The following STK35 variants were observed in gnomAD, a reference collection of about 807,000 sequenced individuals.
STK35 encodes the protein serine/threonine kinase 35.
In STK35, 17 loss-of-function variants were observed where a neutral mutation model predicts 37.3. The observed-to-expected ratio is 0.46, with a 90% CI of 0.31 to 0.68. The LOEUF (loss-of-function observed/expected upper bound fraction) is 0.68. Ranked by LOEUF, STK35 falls within the 30% of genes least tolerant of loss-of-function variation. The pLI is 0.05. For synonymous variants in STK35, 385 were observed against 319.1 expected, an observed-to-expected ratio of 1.21 and a Z score of -2.20; for missense variants, 595 against 746.7, an observed-to-expected ratio of 0.80 and a Z score of 2.37.
Position 2,101,855 on chromosome 20 carries a change from G to A in STK35, c.-27G>A, listed in dbSNP as rs1985390188. The A allele has an allele frequency of 1.0e-5, 14 of 1,402,370 alleles. No homozygotes were observed. The highest frequency in any genetic ancestry group is 8.2e-5 in the Admixed American group (3 of 36,460). The allele number at this position is 1,402,370 out of a possible 1,614,324, so 86.9% of individuals were successfully genotyped here. A position where few individuals can be genotyped will look rare whatever the true frequency, so the allele number is the denominator to read the frequency against. ...GACCTTTGCAGGACCGGGCGGTGCA[G>A]GGCTCACTCGGCTGGCGTCCCGGGG... is the stretch of plus-strand genomic sequence containing the variant. On this transcript the variant is annotated 5_prime_UTR_variant, in exon 1 of 4. Transcript: ENST00000381482.
chr20:2,119,701 C>T (rs1021121088), intron 3 of STK35, among the ~76,000 whole-genome samples: 2 of 152,234 alleles, frequency 1.3e-5, no homozygotes, highest in African/African-American at 4.8e-5. Flanking sequence ...GCTGCTCTTA[C>T]GTTGTGCTGA....
intron 3 of STK35, among the ~76,000 whole-genome samples, chr20:2,142,183 C>T (rs66602486): frequency 0.054 from 8,272 of 152,168 alleles, 361 homozygotes; most frequent in African/African-American, 0.11. Context: ...GACAGTTGGC[C>T]AGGAAGGGGT....
chr20:2,113,491 C>T (rs530668515), intron 2 of STK35, among the ~76,000 whole-genome samples: 1 of 152,332 alleles, frequency 6.6e-6, no homozygotes, highest in South Asian at 2.1e-4. Context: ...GTGGGGGCAG[C>T]AGGCCTAGGG....
chr20:2,110,023 T>A (rs1985588514), intron 2 of STK35, among the ~76,000 whole-genome samples: 1 of 152,248 alleles, frequency 6.6e-6, no homozygotes, highest in Non-Finnish European at 1.5e-5. Context: ...GGACACACCC[T>A]GTGGTGTTGC....
At chr20:2,139,841 T>C (rs906304599) in intron 3 of STK35, among the ~76,000 whole-genome samples, 1 of 151,792 alleles carries the variant, frequency 6.6e-6, no homozygotes, top group Non-Finnish European at 1.5e-5. Context: ...CTGAGAGAAC[T>C]TGGTCCAAGA....
At chr20:2,138,774 C>T (rs1239953833) in intron 3 of STK35, among the ~76,000 whole-genome samples, 1 of 152,172 alleles carries the variant, frequency 6.6e-6, no homozygotes, top group Non-Finnish European at 1.5e-5. Flanking sequence ...AATCCCAGCA[C>T]TTTGGGAGAC....
chr20:2,139,904 C>T (rs1020864070), intron 3 of STK35, among the ~76,000 whole-genome samples: 1 of 152,176 alleles, frequency 6.6e-6, no homozygotes, highest in African/African-American at 2.4e-5. Flanking sequence ...ATCACTGACA[C>T]CTTCCACCCC....
At chr20:2,124,347 G>A (rs1985868486) in intron 3 of STK35, among the ~76,000 whole-genome samples, 1 of 152,180 alleles carries the variant, frequency 6.6e-6, no homozygotes, top group Non-Finnish European at 1.5e-5. Flanking sequence ...ATGGGAAGGT[G>A]TAACTGCCAA....
At chr20:2,143,307 T>C (rs1986200939) in intron 3 of STK35, among the ~76,000 whole-genome samples, 1 of 152,190 alleles carries the variant, frequency 6.6e-6, no homozygotes, top group African/African-American at 2.4e-5. Flanking sequence ...CACTCTTCTC[T>C]TCTGTAAAAC....
chr20:2,108,508 C>CA (rs1318525722), intron 2 of STK35, among the ~76,000 whole-genome samples: 5 of 150,036 alleles, frequency 3.3e-5, no homozygotes, highest in East Asian at 3.9e-4. Flanking sequence ...AGACTGTCTC[C>CA]AAAAAAAAAG....
intron 3 of STK35, among the ~76,000 whole-genome samples, chr20:2,122,123 C>T (rs1246328849): frequency 6.6e-6 from 1 of 152,164 alleles, no homozygotes; most frequent in Non-Finnish European, 1.5e-5. Flanking sequence ...TGTTTGAGCT[C>T]ACGAGTTTGA....
intron 3 of STK35, among the ~76,000 whole-genome samples, chr20:2,142,353 G>A (rs1484695979): frequency 6.6e-6 from 1 of 152,004 alleles, no homozygotes; most frequent in Non-Finnish European, 1.5e-5. Context: ...GGGAGGACTG[G>A]CCAGGTCCCT....
chr20:2,143,997 C>T lies in STK35; in HGVS notation c.*251C>T. The T allele has an allele frequency of 2.5e-6, 1 of 401,092 alleles. No individual in the cohort carries two copies. Among genetic ancestry groups the T allele is most frequent in the Admixed American group, 3.5e-5 (1 of 28,956 alleles). 24.8% of individuals were successfully genotyped at this position (401,092 alleles called of 1,614,324 possible). A position where few individuals can be genotyped will look rare whatever the true frequency, so the allele number is the denominator to read the frequency against. ...CTCTTTCCTTTTTTTAAATTTAAACCATTGAGACTTCAGAAGAGCAGGACA... is the reference window on the plus strand; with the variant it reads ...CTCTTTCCTTTTTTTAAATTTAAACTATTGAGACTTCAGAAGAGCAGGACA... On this transcript the variant is annotated 3_prime_UTR_variant, in exon 4 of 4. Coordinates refer to ENST00000381482, the MANE Select transcript of STK35 (RefSeq NM_080836.4).
At chr20:2,125,733 T>C (rs761011572) in intron 3 of STK35, among the ~76,000 whole-genome samples, 1 of 152,188 alleles carries the variant, frequency 6.6e-6, no homozygotes, top group Non-Finnish European at 1.5e-5. Flanking sequence ...GCCCCAAACA[T>C]TGGCAGAGGA....
chr20:2,115,464 T>C (rs1260592882), intron 2 of STK35, among the ~76,000 whole-genome samples: 1 of 152,166 alleles, frequency 6.6e-6, no homozygotes, highest in East Asian at 1.9e-4. Flanking sequence ...CAAATGACCT[T>C]GTGACCACCC....
At chr20:2,131,476 T>G (rs190769815) in intron 3 of STK35, among the ~76,000 whole-genome samples, 2 of 152,110 alleles carry the variant, frequency 1.3e-5, no homozygotes, top group African/African-American at 2.4e-5. Context: ...GTTTTGTTTT[T>G]TTTTTTAAGA....
intron 2 of STK35, among the ~76,000 whole-genome samples, chr20:2,107,425 A>C (rs1985536971): frequency 6.6e-6 from 1 of 152,232 alleles, no homozygotes; most frequent in Non-Finnish European, 1.5e-5. Context: ...CTGGGAACCG[A>C]GGCCTTGGAA....
At chr20:2,110,303 T>C (rs1487510775) in intron 2 of STK35, among the ~76,000 whole-genome samples, 1 of 152,240 alleles carries the variant, frequency 6.6e-6, no homozygotes, top group Non-Finnish European at 1.5e-5. Context: ...AGACATAACT[T>C]TATAATTTTA....
intron 3 of STK35, among the ~76,000 whole-genome samples, chr20:2,127,338 A>T (rs1484341830): frequency 2.0e-5 from 3 of 151,760 alleles, no homozygotes; most frequent in Admixed American, 2.0e-4. Context: ...AATCTAAGGC[A>T]TGGAGTTGGG....
Sources: allele counts gnomAD v4.1 joint callset (sites outside exome capture counted in the v4.1 genomes callset), GRCh38; gene constraint gnomAD v4.1.1; transcripts MANE v1.5; gene names NCBI Gene and HGNC (gene_info 2026-07-23, HGNC 2026-07-21).